The following ULK4 variants were observed in gnomAD, a reference collection of about 807,000 sequenced individuals.
ULK4 encodes unc-51 like kinase 4.
A neutral mutation model predicts 160.6 loss-of-function variants in ULK4; 133 were observed. The observed-to-expected ratio is 0.83, with a 90% CI of 0.72 to 0.96. The LOEUF (loss-of-function observed/expected upper bound fraction) is 0.96. Among genes scored for constraint, ULK4 ranks in the 40% least tolerant of loss-of-function variants. ULK4 has a pLI of 0.00. For missense variants in ULK4, 1,580 were observed against 1,499.5 expected, an observed-to-expected ratio of 1.05 and a Z score of -0.89; for synonymous variants, 534 against 539.8, an observed-to-expected ratio of 0.99 and a Z score of 0.15.
chr3:41,481,600 G>T (rs1187874563), intron 32 of ULK4, among the ~76,000 whole-genome samples: 1 of 151,960 alleles, frequency 6.6e-6, no homozygotes, highest in African/African-American at 2.4e-5. Context: ...GGCCGAGGCG[G>T]GCGGATCACG....
chr3:41,891,632 C>G (rs554927049), intron 16 of ULK4, among the ~76,000 whole-genome samples: 34 of 152,224 alleles, frequency 2.2e-4, no homozygotes, highest in African/African-American at 7.7e-4. Flanking sequence ...AACAGCCAGG[C>G]GCGGTGGCTC....
At chr3:41,704,536 G>A (rs1226939651) in intron 27 of ULK4, among the ~76,000 whole-genome samples, 1 of 152,106 alleles carries the variant, frequency 6.6e-6, no homozygotes, top group African/African-American at 2.4e-5. Context: ...CTCACCTAAG[G>A]ATCCTTCTAA....
intron 32 of ULK4, among the ~76,000 whole-genome samples, chr3:41,499,434 T>G (rs1382727024): frequency 6.6e-6 from 1 of 152,184 alleles, no homozygotes; most frequent in Non-Finnish European, 1.5e-5. Context: ...CAGTATTTCC[T>G]GGCAAAGTGG....
At chr3:41,895,058 T>C (rs1215535520) in intron 16 of ULK4, among the ~76,000 whole-genome samples, 3 of 152,148 alleles carry the variant, frequency 2.0e-5, no homozygotes, top group Non-Finnish European at 4.4e-5. Context: ...TTCGAGGAAG[T>C]ATAACTAAAT....
At chr3:41,278,232 GGTT>G (rs1272639968) in intron 35 of ULK4, 1 of 152,488 alleles carries the variant, frequency 6.6e-6, no homozygotes, top group Non-Finnish European at 1.5e-5. Context: ...GCTGCAGCCC[GGTT>G]GGGGGAGGGG....
In ULK4 at chr3:41,249,595, A is replaced by C. The variant is rs368121373; in HGVS notation, c.3679-21T>G. 32 of 1,610,556 alleles carry C rather than the reference A, an allele frequency of 2.0e-5. No individual in the cohort carries two copies. The African/African-American group carries it at 3.9e-4, about 19-fold the overall frequency. ...GTGATCTGCAAGGGCAGGAGGAAGA[A>C]GACAGTGGTCAGCTGACCCGTCCCT... On this transcript the variant is annotated intron_variant, in intron 35 of 36. Transcript: ENST00000301831.
chr3:41,772,586 T>A (rs889245436), intron 21 of ULK4, among the ~76,000 whole-genome samples: 31 of 151,892 alleles, frequency 2.0e-4, no homozygotes, highest in African/African-American at 7.5e-4. Flanking sequence ...TAATAGCTTA[T>A]CAACCAAAAA....
chr3:41,664,322 T>C (rs2035284018), intron 29 of ULK4, among the ~76,000 whole-genome samples: 1 of 152,160 alleles, frequency 6.6e-6, no homozygotes, highest in African/African-American at 2.4e-5. Flanking sequence ...AGCAACATAG[T>C]AAAGCCACCT....
At chr3:41,856,549 GTGTATATATATACACATATATA>G (rs1559610966) in intron 17 of ULK4, among the ~76,000 whole-genome samples, 1,386 of 57,718 alleles carry the variant, frequency 0.024, 28 homozygotes, top group African/African-American at 0.096. Context: ...ATATATATAT[GTGTATATATATACACATATATA>G]TATGTGTATA....
intron 30 of ULK4, among the ~76,000 whole-genome samples, chr3:41,660,187 C>T (rs1553629040): frequency 1.3e-5 from 2 of 151,726 alleles, no homozygotes; most frequent in African/African-American, 2.4e-5. Flanking sequence ...CCCAGCTACT[C>T]GGGAGGCTGA....
chr3:41,547,668 C>T (rs1575394954), intron 32 of ULK4, among the ~76,000 whole-genome samples: 1 of 152,180 alleles, frequency 6.6e-6, no homozygotes, highest in South Asian at 2.1e-4. Context: ...GAATGGCATT[C>T]TGAGCACCCA....
chr3:41,701,817 A>G (rs776471433), intron 27 of ULK4, among the ~76,000 whole-genome samples: 2 of 152,196 alleles, frequency 1.3e-5, no homozygotes, highest in Non-Finnish European at 2.9e-5. Context: ...AGGTCTGTAT[A>G]TTACTAAAAG....
At chr3:41,772,986 T>C (rs1014322081) in intron 21 of ULK4, among the ~76,000 whole-genome samples, 63 of 152,290 alleles carry the variant, frequency 4.1e-4, no homozygotes, top group African/African-American at 1.5e-3. Context: ...ATTATCTCAA[T>C]AGATGCAGAA....
At chr3:41,820,193 G>T (rs996919565) in intron 18 of ULK4, among the ~76,000 whole-genome samples, 3 of 152,124 alleles carry the variant, frequency 2.0e-5, no homozygotes, top group Admixed American at 2.0e-4. Context: ...ACTCAAGATT[G>T]TCCAAATGAC....
At chr3:41,669,623 A>G (rs2888105) in intron 29 of ULK4, among the ~76,000 whole-genome samples, 13,301 of 152,208 alleles carry the variant, frequency 0.087, 1,191 homozygotes, top group African/African-American at 0.23. Flanking sequence ...AAATAAGGAT[A>G]TGTCCAAGGA....
chr3:41,700,971 A>G (rs1304096961), intron 27 of ULK4, among the ~76,000 whole-genome samples: 1 of 152,188 alleles, frequency 6.6e-6, no homozygotes, highest in African/African-American at 2.4e-5. Context: ...TCAACGTGCT[A>G]TATGTGGCAG....
intron 30 of ULK4, among the ~76,000 whole-genome samples, chr3:41,642,094 G>A (rs191767664): frequency 2.2e-3 from 327 of 149,542 alleles, no homozygotes; most frequent in African/African-American, 8.0e-3. Flanking sequence ...GGCTGGTCTC[G>A]AACCCCTGAC....
At chr3:41,391,806 T>C (rs895419481) in intron 35 of ULK4, among the ~76,000 whole-genome samples, 9 of 152,092 alleles carry the variant, frequency 5.9e-5, no homozygotes, top group Admixed American at 5.9e-4. Flanking sequence ...AGATTCTTCA[T>C]GGAATAGATA....
chr3:41,834,321 G>A (rs2041689928), intron 18 of ULK4, among the ~76,000 whole-genome samples: 1 of 151,886 alleles, frequency 6.6e-6, no homozygotes, highest in South Asian at 2.1e-4. Context: ...GTGCATTGGA[G>A]GACTATATAA....
Sources: allele counts gnomAD v4.1 joint callset (sites outside exome capture counted in the v4.1 genomes callset), GRCh38; gene constraint gnomAD v4.1.1; transcripts MANE v1.5; gene names NCBI Gene and HGNC (gene_info 2026-07-23, HGNC 2026-07-21).